The following FER variants were observed in gnomAD, a reference collection of about 807,000 sequenced individuals.
FER encodes the protein tyrosine-protein kinase Fer.
Under a neutral mutation model 111.0 loss-of-function variants are expected in FER, and 63 were observed. That is an observed-to-expected ratio of 0.57 (90% confidence interval 0.46 to 0.70). The LOEUF (loss-of-function observed/expected upper bound fraction) is 0.70. Ranked by LOEUF, FER falls within the 30% of genes least tolerant of loss-of-function variation. The pLI is 0.00. For synonymous variants in FER, 327 were observed against 313.9 expected (o/e 1.04, Z -0.44); for missense variants, 914 against 954.0 (o/e 0.96, Z 0.55).
chr5:108,772,218 G>C (rs889813729), intron 2 of FER, among the ~76,000 whole-genome samples: 2 of 150,776 alleles, frequency 1.3e-5, no homozygotes, highest in Non-Finnish European at 3.0e-5. Flanking sequence ...ACCTTGGGGG[G>C]TTAAGTTGAA....
At chr5:109,069,718 T>G (rs1052209066) in intron 16 of FER, among the ~76,000 whole-genome samples, 2 of 152,134 alleles carry the variant, frequency 1.3e-5, no homozygotes, top group African/African-American at 2.4e-5. Flanking sequence ...TGTCAAAGAT[T>G]GTTCAAAATG....
chr5:109,022,558 G>T (rs1768073700), intron 13 of FER, among the ~76,000 whole-genome samples: 2 of 152,174 alleles, frequency 1.3e-5, no homozygotes, highest in African/African-American at 4.8e-5. Context: ...TTGTTGACTT[G>T]ATATGTAAGT....
rs1469893588 is a variant in FER, at chr5:108,959,486, A to G, written c.1656+139A>G. 5.8e-6 allele frequency: 4 copies of G among 695,528 alleles called. No homozygotes were observed. In the Admixed American group the frequency reaches 1.4e-4, roughly 25 times the overall value. 43.1% of individuals were successfully genotyped at this position (695,528 alleles called of 1,614,324 possible). On this transcript the variant is annotated intron_variant, in intron 13 of 19. Transcript: ENST00000281092. ...TTTTGTTTTTGTTTTTCTAGCTTTT[A>G]TTACTAATGCAATTGAAACATGAAA...
intron 16 of FER, among the ~76,000 whole-genome samples, chr5:109,092,284 CAAAAAAAAAAAA>C (rs70999914): frequency 0.07 from 2,838 of 40,608 alleles, 148 homozygotes; most frequent in African/African-American, 0.21. Context: ...CTTATGATGG[CAAAAAAAAAAAA>C]AAAAAAAAAA....
rs1759220270 is a variant in FER at position 109,189,507 on chromosome 5, ATACT to A, written c.*1935_*1938del. On this transcript the variant is annotated 3_prime_UTR_variant, in exon 20 of 20. Transcript: ENST00000281092. ...TTCAATCTCCTTGCAGATTTCATAC[ATACT>A]TAATGATTAGTACATTCAGACTAAA... The A allele has an allele frequency of 6.6e-6, 1 of 151,892 alleles. No individual in the cohort carries two copies. Among genetic ancestry groups the A allele is most frequent in the African/African-American group, 2.4e-5 (1 of 41,442 alleles). The allele number at this position is 151,892 out of a possible 1,614,324, so 9.4% of individuals were successfully genotyped here.
At chr5:108,905,779 GATGAA>G (rs1226713377) in intron 10 of FER, among the ~76,000 whole-genome samples, 4 of 152,154 alleles carry the variant, frequency 2.6e-5, no homozygotes, top group Non-Finnish European at 5.9e-5. Flanking sequence ...AATGTTTATA[GATGAA>G]ATGAATAGGT....
intron 13 of FER, among the ~76,000 whole-genome samples, chr5:108,962,954 G>A (rs1759327379): frequency 6.6e-6 from 1 of 152,098 alleles, no homozygotes; most frequent in Non-Finnish European, 1.5e-5. Context: ...TAATTAATAT[G>A]AATGTGAGTT....
At chr5:108,764,584 A>T (rs1752108748) in intron 1 of FER, among the ~76,000 whole-genome samples, 1 of 151,918 alleles carries the variant, frequency 6.6e-6, no homozygotes, top group Non-Finnish European at 1.5e-5. Flanking sequence ...TTTAGTAGAG[A>T]TGGGGTTTCT....
At chr5:109,163,545 A>G (rs1257818116) in intron 17 of FER, among the ~76,000 whole-genome samples, 1 of 152,104 alleles carries the variant, frequency 6.6e-6, no homozygotes, top group Non-Finnish European at 1.5e-5. Flanking sequence ...CTTTGTCAAC[A>G]CTTGTTACCG....
intron 17 of FER, among the ~76,000 whole-genome samples, chr5:109,111,271 G>A (rs562356293): frequency 6.6e-6 from 1 of 152,186 alleles, no homozygotes; most frequent in South Asian, 2.1e-4. Flanking sequence ...TAACCGTGTT[G>A]TTGCTAGTTA....
At chr5:109,112,005 G>C (rs1749679170) in intron 17 of FER, among the ~76,000 whole-genome samples, 1 of 152,080 alleles carries the variant, frequency 6.6e-6, no homozygotes, top group Non-Finnish European at 1.5e-5. Context: ...AAAAACACCT[G>C]CTTATTATGC....
At chr5:108,855,809 T>A (rs974060345) in intron 5 of FER, among the ~76,000 whole-genome samples, 1 of 151,874 alleles carries the variant, frequency 6.6e-6, no homozygotes, top group African/African-American at 2.4e-5. Flanking sequence ...AGTGGAGTAG[T>A]ACAGGGAAAA....
At chr5:109,123,219 A>AATCTCGGCTCACTGGTGC (rs1307380094) in intron 17 of FER, among the ~76,000 whole-genome samples, 2 of 142,726 alleles carry the variant, frequency 1.4e-5, no homozygotes, top group East Asian at 4.1e-4. Context: ...GCAGTGGTGC[A>AATCTCGGCTCACTGGTGC]ATCTCGGCTC....
chr5:108,770,022 C>T (rs979330798), intron 2 of FER, among the ~76,000 whole-genome samples: 3 of 152,150 alleles, frequency 2.0e-5, no homozygotes, highest in Admixed American at 6.5e-5. Flanking sequence ...AATCTCGATT[C>T]ACCACAACCT....
chr5:108,800,001 C>A (rs1041628805), intron 3 of FER, among the ~76,000 whole-genome samples: 2 of 151,804 alleles, frequency 1.3e-5, no homozygotes, highest in South Asian at 2.1e-4. Context: ...TACCACTACA[C>A]CTGGCTAATT....
At chr5:109,082,582 A>G (rs551343889) in intron 16 of FER, among the ~76,000 whole-genome samples, 3 of 152,116 alleles carry the variant, frequency 2.0e-5, no homozygotes, top group East Asian at 1.9e-4. Context: ...CATACGAAAG[A>G]CAAACTTTTT....
At chr5:108,800,082 A>G (rs1181114215) in intron 3 of FER, among the ~76,000 whole-genome samples, 1 of 151,776 alleles carries the variant, frequency 6.6e-6, no homozygotes, top group Non-Finnish European at 1.5e-5. Context: ...ACCTCAAATG[A>G]TCTACCTGCC....
In FER at chr5:109,053,500, A is replaced by T. The variant is rs73213518; in HGVS notation, c.1924+6302A>T. ...TGCCTCTTTGTAATTCCTTTCTTCT[A>T]CCTTTTACTACCCTGTCACAGCCAA... On this transcript the variant is annotated intron_variant, in intron 16 of 19. Transcript: ENST00000281092. 9.5e-3 allele frequency among the ~76,000 whole-genome samples: 1,433 copies of T among 151,542 alleles called. 23 individuals are homozygous for T. The highest frequency in any genetic ancestry group is 0.033 in the African/African-American group (1,353 of 41,280).
chr5:109,044,746 A>G lies in FER; in HGVS notation c.1780A>G (p.Lys594Glu). Residue 594 changes from lysine (K) to glutamate (E), a missense_variant, in exon 15 of 20, where the codon AAA becomes GAA. Lys to Glu is a moderately conservative substitution (Grantham distance 56, BLOSUM62 1). This residue lies in a region of FER where 774 missense variants were observed against 782.6 expected (regional missense o/e 0.99). Transcript: ENST00000281092. ...DKTSVAVKTC[K>E]EDLPQELKIK... ...AACTTCTGTTGCTGTTAAAACATGT[A>G]AAGAAGATCTTCCTCAGGAATTGAA... 1 of 1,591,006 alleles carries G rather than the reference A, an allele frequency of 6.3e-7. No individual in the cohort carries two copies. The highest frequency in any genetic ancestry group is 2.3e-5 in the East Asian group (1 of 44,116).
Sources: gnomAD v4.1 joint callset for allele counts (sites outside exome capture counted in the v4.1 genomes callset) on GRCh38, gnomAD v4.1.1 for gene constraint, gnomAD v4.1.1 regional missense constraint, MANE v1.5 for transcripts, NCBI Gene and HGNC (gene_info 2026-07-23, HGNC 2026-07-21) for gene names.